The following TBCK variants were observed in gnomAD, a reference collection of about 807,000 sequenced individuals.
TBCK encodes the protein TBC1 domain containing kinase.
A neutral mutation model predicts 113.4 loss-of-function variants in TBCK; 99 were observed. The observed-to-expected ratio is 0.87, with a 90% confidence interval of 0.74 to 1.03. TBCK has a LOEUF of 1.03. Among genes scored for constraint, TBCK ranks in the 50% least tolerant of loss-of-function variants. The pLI is 0.00. For synonymous variants in TBCK, 369 were observed against 370.8 expected (o/e 1.00, Z 0.05); for missense variants, 1,045 against 1,061.3 (o/e 0.98, Z 0.21).
intron 3 of TBCK, 70 bp from the exon 4 acceptor site, chr4:106,262,282 G>T: frequency 1.3e-6 from 1 of 767,618 alleles, no homozygotes; most frequent in Non-Finnish European, 2.1e-6. Context: ...CAAGTGAAAT[G>T]TGACCTAGTG....
chr4:106,060,970 C>T (rs1400496882), intron 25 of TBCK, among the ~76,000 whole-genome samples: 1 of 151,660 alleles, frequency 6.6e-6, no homozygotes, highest in Admixed American at 6.6e-5. Context: ...GAAGCAGAGC[C>T]TGAGATGTGG....
intron 25 of TBCK, among the ~76,000 whole-genome samples, chr4:106,071,014 GTCTA>G (rs1489915468): frequency 2.6e-4 from 39 of 150,474 alleles, no homozygotes; most frequent in African/African-American, 5.6e-4. Flanking sequence ...CTTGCTAGTG[GTCTA>G]TCTATTTTGT....
At chr4:106,234,528 C>T (rs1579339868) in intron 15 of TBCK, among the ~76,000 whole-genome samples, 1 of 152,050 alleles carries the variant, frequency 6.6e-6, no homozygotes, top group African/African-American at 2.4e-5. Flanking sequence ...ACTGCAGCCT[C>T]GAACTCCTGG....
chr4:106,080,553 G>A (rs903298388), intron 25 of TBCK, among the ~76,000 whole-genome samples: 2 of 152,068 alleles, frequency 1.3e-5, no homozygotes, highest in Non-Finnish European at 2.9e-5. Flanking sequence ...ATGTAAGACC[G>A]AAAGCAATCA....
chr4:106,144,470 T>A (rs1186601396), intron 23 of TBCK, among the ~76,000 whole-genome samples: 1 of 152,132 alleles, frequency 6.6e-6, no homozygotes, highest in Non-Finnish European at 1.5e-5. Context: ...CATGCTACTA[T>A]GAAATGGGGT....
At chr4:106,251,171 C>T (rs1442435283) in intron 6 of TBCK, 1 of 379,326 alleles carries the variant, frequency 2.6e-6, no homozygotes, top group Non-Finnish European at 5.3e-6. Flanking sequence ...TACTTAATAC[C>T]ACCTGAAGTT....
At chr4:106,232,821 C>T (rs1027046715) in intron 17 of TBCK, 117 bp downstream of exon 17, 12 of 963,290 alleles carry the variant, frequency 1.2e-5, no homozygotes, top group Middle Eastern at 2.6e-4. Context: ...TGAATCAGAG[C>T]GTCAATATTG....
intron 4 of TBCK, among the ~76,000 whole-genome samples, 198 bp downstream of exon 4, chr4:106,261,900 T>C (rs769839932): frequency 2.0e-5 from 3 of 151,864 alleles, no homozygotes; most frequent in African/African-American, 4.8e-5. Flanking sequence ...GTGAAAGATA[T>C]ACAGATTAAA....
At chr4:106,280,747 A>G (rs960781798) in intron 3 of TBCK, among the ~76,000 whole-genome samples, 4 of 152,050 alleles carry the variant, frequency 2.6e-5, no homozygotes, top group Admixed American at 2.6e-4. Context: ...TGTAAATGTA[A>G]GGATTTGTTT....
intron 22 of TBCK, among the ~76,000 whole-genome samples, chr4:106,187,326 G>C (rs1315971584): frequency 6.6e-6 from 1 of 151,986 alleles, no homozygotes; most frequent in Non-Finnish European, 1.5e-5. Flanking sequence ...AATTCCTTTG[G>C]GCAATATGGC....
chr4:106,179,315 T>C (rs575859532), intron 22 of TBCK, among the ~76,000 whole-genome samples: 7 of 152,192 alleles, frequency 4.6e-5, no homozygotes, highest in African/African-American at 1.4e-4. Flanking sequence ...TCTACTTCCT[T>C]GAGGTGCATT....
chr4:106,308,195 A>C (rs544058661), intron 2 of TBCK, among the ~76,000 whole-genome samples: 3 of 152,308 alleles, frequency 2.0e-5, no homozygotes, highest in South Asian at 4.1e-4. Flanking sequence ...TATAGTTGTT[A>C]ATTCATTCAT....
chr4:106,125,167 G>T (rs373980805), intron 23 of TBCK, among the ~76,000 whole-genome samples: 1 of 152,086 alleles, frequency 6.6e-6, no homozygotes, highest in Non-Finnish European at 1.5e-5. Flanking sequence ...ACAGCATGGA[G>T]GTTCCTCAAA....
intron 14 of TBCK, among the ~76,000 whole-genome samples, chr4:106,236,081 T>C (rs11732791): frequency 0.59 from 89,429 of 151,692 alleles, 26,781 homozygotes; most frequent in Non-Finnish European, 0.64. Context: ...ATTTATATTA[T>C]GTACTCTATC....
At chr4:106,306,816 G>A (rs1184408838) in intron 2 of TBCK, among the ~76,000 whole-genome samples, 1 of 152,174 alleles carries the variant, frequency 6.6e-6, no homozygotes, top group Non-Finnish European at 1.5e-5. Context: ...GCTCTTGCTT[G>A]AGGGATTAAG....
intron 25 of TBCK, among the ~76,000 whole-genome samples, chr4:106,072,903 G>A (rs935174472): frequency 1.3e-5 from 2 of 152,226 alleles, no homozygotes; most frequent in Admixed American, 1.3e-4. Flanking sequence ...ACTGAAGCTT[G>A]TGCATGTGTC....
At chr4:106,111,409 G>A (rs1372906858) in intron 24 of TBCK, among the ~76,000 whole-genome samples, 2 of 152,194 alleles carry the variant, frequency 1.3e-5, no homozygotes, top group Non-Finnish European at 2.9e-5. Flanking sequence ...TTAAAAGGCT[G>A]CTCTTATACT....
chr4:106,046,609 CTTTAT>C lies in TBCK; in HGVS notation c.2638_2642del (p.Ile880AlafsTer52). The C allele has an allele frequency of 6.2e-7, 1 of 1,612,216 alleles. No homozygotes were observed. The highest frequency in any genetic ancestry group is 8.5e-7 in the Non-Finnish European group (1 of 1,178,620). On this transcript the variant is annotated frameshift_variant, in exon 26 of 26. Transcript: ENST00000394708. LOFTEE classifies it high-confidence loss of function. Reference sequence around the variant, plus strand: ...ATGGGATGGTGAGGAGGCCTGTTGGCTTTATTTTATTAATGCCACCATCTAGAATA... The same window carrying C: ...ATGGGATGGTGAGGAGGCCTGTTGGCTTTATTAATGCCACCATCTAGAATA...
chr4:106,307,396 C>T (rs912837144), intron 2 of TBCK, among the ~76,000 whole-genome samples: 6 of 151,880 alleles, frequency 4.0e-5, no homozygotes, highest in African/African-American at 9.7e-5. Context: ...CTTATATAAA[C>T]GCTCAATAAA....
Sources: allele counts gnomAD v4.1 joint callset (sites outside exome capture counted in the v4.1 genomes callset), GRCh38; gene constraint gnomAD v4.1.1; transcripts MANE v1.5; gene names NCBI Gene and HGNC (gene_info 2026-07-23, HGNC 2026-07-21).